Variants in AGL observed in about 807,000 individuals in gnomAD.
AGL encodes amylo-alpha-1,6-glucosidase and 4-alpha-glucanotransferase.
AGL carries 128 observed loss-of-function variants against 199.3 expected under a neutral mutation model. The observed-to-expected ratio is 0.64, with a 90% CI of 0.56 to 0.74. AGL has a LOEUF of 0.74. AGL is among the 30% of genes least tolerant of loss of function. The probability of loss-of-function intolerance (pLI) is 0.00; values close to 1 mark genes in which losing one functional copy is unlikely to be tolerated. For synonymous variants in AGL, 584 were observed against 594.7 expected (o/e 0.98, Z 0.26); for missense variants, 1,809 against 1,820.8 (o/e 0.99, Z 0.12).
chr1:99,877,040 G>C (rs1212475548), intron 11 of AGL, among the ~76,000 whole-genome samples: 2 of 152,142 alleles, frequency 1.3e-5, no homozygotes, highest in African/African-American at 4.8e-5. Flanking sequence ...CTCACTCTTA[G>C]TGTCTTGTGT....
At chr1:99,915,553 A>G (rs1276392773) in intron 31 of AGL, 67 bp downstream of exon 31, 1 of 962,904 alleles carries the variant, frequency 1.0e-6, no homozygotes, top group Non-Finnish European at 1.5e-6. Flanking sequence ...ATCAACCATA[A>G]TTTTTTTTTT....
chr1:99,913,645 T>A lies in AGL; in HGVS notation c.4068T>A (p.Val1356=). ...TAAATGAAAAGCATCCAAATCTGGT[T>A]CACAAACGTGGCATATACAAAGATA... The part of the protein sequence containing the change: ...SDLNEKHPNL[V]HKRGIYKDSY... The change falls in exon 30 of 34, where the codon GTT becomes GTA. Residue 1356 remains valine, a synonymous_variant. Coordinates refer to ENST00000361915, the MANE Select transcript of AGL (RefSeq NM_000642.3). 6.2e-7 allele frequency: 1 copy of A among 1,614,146 alleles called. No individual in the cohort carries two copies. Among genetic ancestry groups the A allele is most frequent in the South Asian group, 1.1e-5 (1 of 91,082 alleles).
At chr1:99,882,317 A>G (rs553482099) in intron 17 of AGL, among the ~76,000 whole-genome samples, 5 of 152,266 alleles carry the variant, frequency 3.3e-5, no homozygotes, top group African/African-American at 1.2e-4. Context: ...GCAGAACAAT[A>G]TGTATATTTG....
chr1:99,854,237 C>T (rs1260384403), intron 2 of AGL, among the ~76,000 whole-genome samples: 1 of 152,050 alleles, frequency 6.6e-6, no homozygotes, highest in Admixed American at 6.6e-5. Context: ...AGGATAGGGA[C>T]AGCCTTACAA....
At chr1:99,905,208 G>A (rs1462370457) in intron 27 of AGL, among the ~76,000 whole-genome samples, 1 of 151,882 alleles carries the variant, frequency 6.6e-6, no homozygotes, top group East Asian at 1.9e-4. Context: ...TGGTGGGGGG[G>A]TGGGTCTGAG....
chr1:99,905,953 G>T (rs777592864), intron 27 of AGL, among the ~76,000 whole-genome samples: 39 of 151,558 alleles, frequency 2.6e-4, no homozygotes, highest in Non-Finnish European at 4.6e-4. Flanking sequence ...TTTACTATTG[G>T]TTTTTTTTAT....
intron 27 of AGL, among the ~76,000 whole-genome samples, chr1:99,906,259 C>T (rs1207945801): frequency 1.3e-5 from 2 of 152,170 alleles, no homozygotes; most frequent in Non-Finnish European, 2.9e-5. Context: ...TGGCTTATTT[C>T]ACTTAGCATA....
Position 99,870,424 on chromosome 1 carries a change from A to C in AGL, c.689A>C (p.Glu230Ala), listed in dbSNP as rs1275008400. The change falls in exon 6 of 34, where the codon GAA becomes GCA. Residue 230 changes from glutamate to alanine, a missense_variant. Coordinates refer to ENST00000361915, the MANE Select transcript of AGL (RefSeq NM_000642.3). ...GCTGCTAATAGTAAATGGATCCAGG[A>C]ACATCCAGAATGTGCCTATAATCTT... is the stretch of plus-strand genomic sequence containing the variant. ...HTAANSKWIQ[E>A]HPECAYNLVN... is the part of the protein sequence containing the mutation. 6.2e-7 allele frequency: 1 copy of C among 1,613,896 alleles called. No homozygotes were observed. The highest frequency in any genetic ancestry group is 1.3e-5 in the African/African-American group (1 of 74,918).
Position 99,921,871 on chromosome 1 carries a change from T to A in AGL, c.*220T>A. 2.9e-6 allele frequency: 1 copy of A among 346,874 alleles called. No individual in the cohort carries two copies. The highest frequency in any genetic ancestry group is 5.2e-6 in the Non-Finnish European group (1 of 193,262). The allele number at this position is 346,874 out of a possible 1,614,324, so 21.5% of individuals were successfully genotyped here. A position where few individuals can be genotyped will look rare whatever the true frequency, so the allele number is the denominator to read the frequency against. On this transcript the variant is annotated 3_prime_UTR_variant, in exon 34 of 34. Transcript: ENST00000361915. ...GAAATATCATTACCAATGAAATGTGTTTGAGTTCAGTAAGAATTATTCAAA... is the reference window on the plus strand; with the variant it reads ...GAAATATCATTACCAATGAAATGTGATTGAGTTCAGTAAGAATTATTCAAA...
intron 4 of AGL, among the ~76,000 whole-genome samples, chr1:99,864,102 A>T (rs1315898071): frequency 6.6e-6 from 1 of 152,218 alleles, no homozygotes; most frequent in Non-Finnish European, 1.5e-5. Context: ...CATGTTAAGT[A>T]TATAAATTTT....
rs191816982 is a variant in AGL, at chr1:99,856,358, C to T, written c.83-5145C>T. Among the ~76,000 whole-genome samples the T allele has an allele frequency of 4.0e-3, 310 of 77,894 alleles. 1 individual carries two copies. Among genetic ancestry groups the T allele is most frequent in the African/African-American group, 0.011 (278 of 24,852 alleles). The allele number at this position is 77,894 out of a possible 152,430, so 51.1% of individuals were successfully genotyped here. A position where few individuals can be genotyped will look rare whatever the true frequency, so the allele number is the denominator to read the frequency against. ...TCCCTCCCTCCCTCCCTCCCTCCCT[C>T]CCTCCCTTCCTTCCTCCCTTCCTCC... On this transcript the variant is annotated intron_variant, in intron 2 of 33. Coordinates refer to ENST00000361915, the MANE Select transcript of AGL (RefSeq NM_000642.3).
At chr1:99,852,299 G>A (rs1487732740) in intron 2 of AGL, among the ~76,000 whole-genome samples, 4 of 150,198 alleles carry the variant, frequency 2.7e-5, no homozygotes, top group Admixed American at 6.6e-5. Context: ...TCCTGGCTCT[G>A]CTGCTAACAA....
rs756175624 is a variant in AGL at position 99,861,669 on chromosome 1, T to TA, written c.251dup (p.Asn84LysfsTer17). On this transcript the variant is annotated frameshift_variant, in exon 3 of 34. Transcript: ENST00000361915. LOFTEE classifies it high-confidence loss of function. ...ATGATTCTGATAAATACTGTAAACT[T>TA]AATCTGCAACAATCTGGTTCATTTC... is the stretch of plus-strand genomic sequence containing the variant. The TA allele has an allele frequency of 7.4e-6, 12 of 1,613,546 alleles. No homozygotes were observed. Among genetic ancestry groups the TA allele is most frequent in the African/African-American group, 1.3e-5 (1 of 74,924 alleles).
intron 7 of AGL, among the ~76,000 whole-genome samples, chr1:99,873,169 T>C (rs1400618967): frequency 6.6e-6 from 1 of 152,140 alleles, no homozygotes; most frequent in Non-Finnish European, 1.5e-5. Flanking sequence ...TTAATATACC[T>C]GAAATTTATT....
chr1:99,882,068 G>C (rs11166366), intron 17 of AGL, among the ~76,000 whole-genome samples: 78,225 of 151,012 alleles, frequency 0.52, 20,706 homozygotes, highest in East Asian at 0.68. Context: ...GAGCCCAGCA[G>C]GCAGTGGTTA....
chr1:99,853,815 A>G lies in AGL; in HGVS notation c.82+2691A>G, dbSNP rs1375142969. ...TGAGGCTGGAGGATCTCTTGAGCCC[A>G]GGAGTTAAAGGCTGTAGTGAGCTAT... On this transcript the variant is annotated intron_variant, in intron 2 of 33. Transcript: ENST00000361915. Among the ~76,000 whole-genome samples, 4 of 152,278 alleles carry G rather than the reference A, an allele frequency of 2.6e-5. No individual in the cohort carries two copies. In the East Asian group the frequency reaches 7.7e-4, roughly 29 times the overall value.
rs1182111522 is a variant in AGL, at chr1:99,877,655, C to G, written c.1438C>G (p.Leu480Val). Residue 480 changes from leucine to valine, a missense_variant, in exon 12 of 34, where the codon CTA becomes GTA. Transcript: ENST00000361915. The stretch of plus-strand genomic sequence containing the variant: ...TTTCTGAACAGGTTCAGAAGTTTAC[C>G]TAAGGAGAGAACTTATTTGCTGGGG... ...NFAEPGSEVY[L>V]RRELICWGDS... 1 of 1,613,874 alleles carries G rather than the reference C, an allele frequency of 6.2e-7. No individual in the cohort carries two copies. The highest frequency in any genetic ancestry group is 2.2e-5 in the East Asian group (1 of 44,842).
chr1:99,886,593 TAA>T (rs1652472655), intron 20 of AGL, among the ~76,000 whole-genome samples: 1 of 152,234 alleles, frequency 6.6e-6, no homozygotes, highest in Non-Finnish European at 1.5e-5. Flanking sequence ...TAGTGATTGA[TAA>T]GTGTTAGCTG....
At chr1:99,867,748 G>T (rs906499062) in intron 5 of AGL, among the ~76,000 whole-genome samples, 2 of 151,732 alleles carry the variant, frequency 1.3e-5, no homozygotes, top group African/African-American at 4.8e-5. Flanking sequence ...TAGAGTTGGA[G>T]TCCCGCCATA....
Sources: allele counts gnomAD v4.1 joint callset (sites outside exome capture counted in the v4.1 genomes callset), GRCh38; gene constraint gnomAD v4.1.1; transcripts MANE v1.5; gene names NCBI Gene and HGNC (gene_info 2026-07-23, HGNC 2026-07-21).